Variants in CPNE3 observed in about 807,000 individuals in gnomAD.
CPNE3 encodes the protein copine-3.
Under a neutral mutation model 63.9 loss-of-function variants are expected in CPNE3, and 68 were observed. The observed-to-expected ratio is 1.06, with a 90% CI of 0.87 to 1.30. The LOEUF (loss-of-function observed/expected upper bound fraction) is 1.30, where lower values mean the gene tolerates loss of function less well. CPNE3 is among the 50% of genes most tolerant of loss of function. The probability of loss-of-function intolerance (pLI) is 0.00; values close to 1 mark genes in which losing one functional copy is unlikely to be tolerated. For missense variants in CPNE3, 665 were observed against 578.1 expected, an observed-to-expected ratio of 1.15 and a Z score of -1.54; for synonymous variants, 219 against 197.5, an observed-to-expected ratio of 1.11 and a Z score of -0.91.
chr8:86,547,100 T>C (rs1039544697), intron 10 of CPNE3, among the ~76,000 whole-genome samples: 5 of 152,212 alleles, frequency 3.3e-5, no homozygotes, highest in Non-Finnish European at 7.3e-5. Context: ...TTTCAGGCAG[T>C]TGAAAATCAC....
At chr8:86,527,971 T>TTTTTTTTTTTTTG (rs1554600279) in intron 2 of CPNE3, among the ~76,000 whole-genome samples, 2 of 141,878 alleles carry the variant, frequency 1.4e-5, no homozygotes, top group Non-Finnish European at 1.5e-5. Context: ...TTTTTTTTTT[T>TTTTTTTTTTTTTG]AGACAGAGTC....
chr8:86,529,089 G>T lies in CPNE3; in HGVS notation c.277G>T (p.Asp93Tyr). The change falls in exon 4 of 17, where the codon GAC becomes TAC. Residue 93 changes from aspartate to tyrosine, a missense_variant. Physicochemically the swap from Asp to Tyr is radical, Grantham distance 160. Transcript: ENST00000517490. Reference protein sequence around the residue: ...DNKTIELSDDDFLGECECTLG... With the variant: ...DNKTIELSDDYFLGECECTLG... ...CAAAACTATTGAGCTGAGTGATGAT[G>T]ACTTCTTAGGGGAATGTGAATGTAC... 2 of 1,613,934 alleles carry T rather than the reference G, an allele frequency of 1.2e-6. No individual in the cohort carries two copies. Among genetic ancestry groups the T allele is most frequent in the Non-Finnish European group, 1.7e-6 (2 of 1,179,902 alleles).
chr8:86,527,435 A>G (rs1039399557), intron 2 of CPNE3, among the ~76,000 whole-genome samples: 8 of 152,050 alleles, frequency 5.3e-5, no homozygotes, highest in Non-Finnish European at 7.4e-5. Context: ...AGTCCTTTTC[A>G]TATATTGATT....
chr8:86,524,490 A>G (rs1422355225), intron 2 of CPNE3, among the ~76,000 whole-genome samples: 1 of 152,112 alleles, frequency 6.6e-6, no homozygotes. Context: ...ACAAGTAATA[A>G]TCTGTACAGT....
intron 5 of CPNE3, among the ~76,000 whole-genome samples, chr8:86,531,531 C>T (rs944822497): frequency 1.3e-5 from 2 of 152,160 alleles, no homozygotes; most frequent in Non-Finnish European, 2.9e-5. Flanking sequence ...GAGAGAGAAA[C>T]TGCTTAATAA....
At chr8:86,535,757 A>G (rs1326756519) in intron 6 of CPNE3, among the ~76,000 whole-genome samples, 2 of 152,208 alleles carry the variant, frequency 1.3e-5, no homozygotes, top group African/African-American at 2.4e-5. Flanking sequence ...ACAATTGCTT[A>G]TCTGTTTTGT....
At position 86,532,521 on chromosome 8, in the gene CPNE3, G is replaced by A. The variant is rs1414722806; in HGVS notation, c.400G>A (p.Glu134Lys). Residue 134 changes from glutamate (E) to lysine (K), a missense_variant, in exon 6 of 17, where the codon GAA becomes AAA. Coordinates refer to ENST00000517490, the MANE Select transcript of CPNE3 (RefSeq NM_003909.5). Reference protein sequence around the residue: ...GKGSITISAEEIKDNRVVLFE... With the variant: ...GKGSITISAEKIKDNRVVLFE... ...GATCTACTCATAGATTTCAGCTGAA[G>A]AAATAAAAGATAATAGAGTGGTCTT... is the stretch of plus-strand genomic sequence containing the variant. The A allele has an allele frequency of 1.2e-6, 2 of 1,611,384 alleles. No homozygotes were observed. The highest frequency in any genetic ancestry group is 1.7e-6 in the Non-Finnish European group (2 of 1,178,936).
chr8:86,539,992 G>GTA lies in CPNE3; in HGVS notation c.544-252_544-251dup, dbSNP rs1820897669. On this transcript the variant is annotated intron_variant, in intron 7 of 16. Transcript: ENST00000517490. ...CCTCTGTAGTTCCTAAGTGCTCCTT[G>GTA]TAATAGGTAGATATATTTTCCAAAT... Among the ~76,000 whole-genome samples the GTA allele has an allele frequency of 4.6e-5, 7 of 152,188 alleles. No homozygotes were observed. In the South Asian group the frequency reaches 1.5e-3, roughly 32 times the overall value.
chr8:86,557,157 GT>G (rs1821343307), intron 16 of CPNE3, among the ~76,000 whole-genome samples: 1 of 151,992 alleles, frequency 6.6e-6, no homozygotes, highest in African/African-American at 2.4e-5. Flanking sequence ...TGTTTGTTTT[GT>G]TTTTGTTTTG....
At chr8:86,523,710 C>T (rs190363243) in intron 2 of CPNE3, among the ~76,000 whole-genome samples, 2,594 of 152,176 alleles carry the variant, frequency 0.017, 41 homozygotes, top group Non-Finnish European at 0.025. Flanking sequence ...CTCAGCCTCC[C>T]GAGTAGCTGG....
intron 5 of CPNE3, 68 bp downstream of exon 5, chr8:86,531,297 T>C: frequency 1.3e-6 from 1 of 795,592 alleles, no homozygotes; most frequent in Non-Finnish European, 2.3e-6. Flanking sequence ...AAACTGTCCA[T>C]ATCAGAGAAA....
At chr8:86,542,019 A>G (rs1290240192) in intron 8 of CPNE3, among the ~76,000 whole-genome samples, 2 of 152,204 alleles carry the variant, frequency 1.3e-5, no homozygotes, top group Admixed American at 6.5e-5. Context: ...CAACAAAACA[A>G]TATCTTTTAA....
At chr8:86,528,340 G>T (rs1393352109) in intron 2 of CPNE3, among the ~76,000 whole-genome samples, 196 bp from the exon 3 acceptor site, 1 of 152,168 alleles carries the variant, frequency 6.6e-6, no homozygotes, top group Non-Finnish European at 1.5e-5. Context: ...AGAATCTGAT[G>T]CAGGCAGTAT....
rs1821432963 is a variant in CPNE3, at chr8:86,561,172, T to C, written c.*2762T>C. On this transcript the variant is annotated 3_prime_UTR_variant, in exon 17 of 17. Coordinates refer to ENST00000517490, the MANE Select transcript of CPNE3 (RefSeq NM_003909.5). ...TTGGACATACTTTTTTTTTCTTCAA[T>C]TTTGTAAACTTCCTGGAAAGCTGTC... is the stretch of plus-strand genomic sequence containing the variant. The C allele has an allele frequency of 6.6e-6, 1 of 152,198 alleles. No homozygotes were observed. The highest frequency in any genetic ancestry group is 1.9e-4 in the East Asian group (1 of 5,196). 9.4% of individuals were successfully genotyped at this position (152,198 alleles called of 1,614,324 possible).
Position 86,532,588 on chromosome 8 carries a change from G to A in CPNE3, c.459+8G>A, listed in dbSNP as rs1820706968. The A allele has an allele frequency of 6.2e-7, 1 of 1,604,762 alleles. No individual in the cohort carries two copies. Among genetic ancestry groups the A allele is most frequent in the African/African-American group, 1.3e-5 (1 of 74,404 alleles). On this transcript the variant is annotated splice_region_variant and intron_variant, in intron 6 of 16. Coordinates refer to ENST00000517490, the MANE Select transcript of CPNE3 (RefSeq NM_003909.5). The stretch of plus-strand genomic sequence containing the variant: ...AGAAAACTGGATAATAAGGTGGGTA[G>A]ACTATGCAGATTTCAAAAAGGTTGT...
intron 2 of CPNE3, among the ~76,000 whole-genome samples, chr8:86,518,753 C>T (rs912040295): frequency 1.4e-5 from 2 of 143,440 alleles, no homozygotes; most frequent in Non-Finnish European, 3.2e-5. Flanking sequence ...TCTGATAGCC[C>T]TTCTTTTTTA....
rs543060492 is a variant in CPNE3 at position 86,545,966 on chromosome 8, G to A, written c.733-629G>A. Among the ~76,000 whole-genome samples, 4 of 152,112 alleles carry A rather than the reference G, an allele frequency of 2.6e-5. No individual in the cohort carries two copies. The South Asian group carries it at 8.3e-4, about 31-fold the overall frequency. On this transcript the variant is annotated intron_variant, in intron 9 of 16. Transcript: ENST00000517490. ...GACTAGAGTAGCAGTGGAAGTTACAGAGGAGAACAACTTGAGCCAAGCCCT... is the reference window on the plus strand; with the variant it reads ...GACTAGAGTAGCAGTGGAAGTTACAAAGGAGAACAACTTGAGCCAAGCCCT...
intron 8 of CPNE3, among the ~76,000 whole-genome samples, chr8:86,541,341 G>C (rs777891521): frequency 6.6e-6 from 1 of 152,110 alleles, no homozygotes; most frequent in Non-Finnish European, 1.5e-5. Context: ...TTCCAGAAAA[G>C]CAAAAATTAA....
At chr8:86,552,958 G>GCCCC (rs1402912128) in intron 14 of CPNE3, among the ~76,000 whole-genome samples, 2 of 3,230 alleles carry the variant, frequency 6.2e-4, no homozygotes, top group African/African-American at 8.0e-4. Context: ...TCCTGCCACA[G>GCCCC]CCCGCCCCCC....
Sources: gnomAD v4.1 joint callset for allele counts (sites outside exome capture counted in the v4.1 genomes callset) on GRCh38, gnomAD v4.1.1 for gene constraint, MANE v1.5 for transcripts, NCBI Gene and HGNC (gene_info 2026-07-23, HGNC 2026-07-21) for gene names.